The following KCNQ5 variants were observed in gnomAD, a reference collection of about 807,000 sequenced individuals.
KCNQ5 encodes the protein potassium voltage-gated channel subfamily Q member 5.
KCNQ5 carries 30 observed loss-of-function variants against 98.2 expected under a neutral mutation model. The observed-to-expected ratio is 0.31, with a 90% CI of 0.23 to 0.41. The LOEUF is 0.41. KCNQ5 is among the 10% of genes least tolerant of loss of function. The pLI is 1.00. For synonymous variants in KCNQ5, 458 were observed against 449.4 expected, an observed-to-expected ratio of 1.02 and a Z score of -0.24; for missense variants, 835 against 1,182.5, an observed-to-expected ratio of 0.71 and a Z score of 4.31.
chr6:72,725,451 A>T (rs1770216012), intron 1 of KCNQ5, among the ~76,000 whole-genome samples: 1 of 152,166 alleles, frequency 6.6e-6, no homozygotes, highest in African/African-American at 2.4e-5. Context: ...GAATTTCTAT[A>T]AGAATTATTT....
chr6:72,666,100 A>G (rs1156401386), intron 1 of KCNQ5, among the ~76,000 whole-genome samples: 4 of 152,216 alleles, frequency 2.6e-5, no homozygotes, highest in African/African-American at 9.6e-5. Flanking sequence ...GCTTCTCCGT[A>G]TAATTGCACT....
chr6:73,009,359 G>A (rs1236881238), intron 2 of KCNQ5, among the ~76,000 whole-genome samples: 2 of 151,818 alleles, frequency 1.3e-5, no homozygotes, highest in South Asian at 2.1e-4. Flanking sequence ...AAAACAAAAC[G>A]CAACCTGCCA....
At chr6:72,809,756 A>T (rs948177945) in intron 1 of KCNQ5, among the ~76,000 whole-genome samples, 1 of 152,204 alleles carries the variant, frequency 6.6e-6, no homozygotes, top group African/African-American at 2.4e-5. Context: ...GTCATTCTGG[A>T]TAACAAAGAT....
intron 13 of KCNQ5, among the ~76,000 whole-genome samples, chr6:73,193,786 T>G (rs1765686214): frequency 1.3e-5 from 2 of 151,918 alleles, no homozygotes; most frequent in Non-Finnish European, 2.9e-5. Context: ...AGTTTCAGAA[T>G]GTCTTCATAG....
intron 1 of KCNQ5, among the ~76,000 whole-genome samples, chr6:72,759,779 A>T (rs181406847): frequency 2.0e-5 from 3 of 152,224 alleles, no homozygotes; most frequent in Non-Finnish European, 4.4e-5. Flanking sequence ...TAAACTTTAA[A>T]TATTTTCTAG....
In KCNQ5 at chr6:72,721,076, T is replaced by C. The variant is rs75099009; in HGVS notation, c.398+98489T>C. 3.2e-3 allele frequency among the ~76,000 whole-genome samples: 489 copies of C among 152,264 alleles called. 4 individuals carry two copies. The highest frequency in any genetic ancestry group is 0.011 in the African/African-American group (473 of 41,522). On this transcript the variant is annotated intron_variant, in intron 1 of 13. Transcript: ENST00000370398. ...CCTACCTATGTGATAATGGAAAAGCTATTTTCCATTATTTCCATATTTTAT... is the reference window on the plus strand; with the variant it reads ...CCTACCTATGTGATAATGGAAAAGCCATTTTCCATTATTTCCATATTTTAT...
chr6:73,081,127 T>G (rs1349430881), intron 5 of KCNQ5, among the ~76,000 whole-genome samples: 1 of 152,186 alleles, frequency 6.6e-6, no homozygotes, highest in East Asian at 1.9e-4. Context: ...AAAAGAGCTA[T>G]GTGTTTTGAT....
In KCNQ5 at chr6:72,655,333, G is replaced by A. The variant is rs75660744; in HGVS notation, c.398+32746G>A. ...TTCCCATTTTTTAGCACTATGTTAG[G>A]TGCTACAGACCACAAGCTCACAGTC... On this transcript the variant is annotated intron_variant, in intron 1 of 13. Transcript: ENST00000370398. Among the ~76,000 whole-genome samples, 316 of 152,024 alleles carry A rather than the reference G, an allele frequency of 2.1e-3. 4 individuals are homozygous for A. Among genetic ancestry groups the A allele is most frequent in the East Asian group, 0.021 (106 of 5,148 alleles).
chr6:72,654,263 T>A (rs773489061), intron 1 of KCNQ5, among the ~76,000 whole-genome samples: 6 of 151,832 alleles, frequency 4.0e-5, no homozygotes, highest in Non-Finnish European at 8.8e-5. Flanking sequence ...TGATACTAAG[T>A]TGTGTTTGGG....
At chr6:72,748,399 A>C (rs1196892416) in intron 1 of KCNQ5, among the ~76,000 whole-genome samples, 1 of 152,132 alleles carries the variant, frequency 6.6e-6, no homozygotes, top group East Asian at 1.9e-4. Context: ...ATTACTTCAC[A>C]GCCTGTTATG....
chr6:72,812,546 T>C (rs181949280), intron 1 of KCNQ5, among the ~76,000 whole-genome samples: 2 of 152,346 alleles, frequency 1.3e-5, no homozygotes, highest in Admixed American at 6.5e-5. Context: ...ACTGCTAAAA[T>C]TGTGTACACA....
chr6:72,635,895 T>C (rs1283049546), intron 1 of KCNQ5, among the ~76,000 whole-genome samples: 1 of 151,996 alleles, frequency 6.6e-6, no homozygotes, highest in Non-Finnish European at 1.5e-5. Flanking sequence ...TAGAGACTTC[T>C]AGAAAATGTG....
intron 1 of KCNQ5, among the ~76,000 whole-genome samples, chr6:72,803,920 G>T (rs1774807662): frequency 6.6e-6 from 1 of 152,040 alleles, no homozygotes; most frequent in Non-Finnish European, 1.5e-5. Flanking sequence ...CATTTCAGGA[G>T]ATAAAATAAA....
chr6:73,078,151 T>G (rs1465311037), intron 5 of KCNQ5, among the ~76,000 whole-genome samples: 3 of 151,184 alleles, frequency 2.0e-5, no homozygotes, highest in Non-Finnish European at 1.5e-5. Flanking sequence ...TAAATATATA[T>G]CATTTTTAAA....
intron 1 of KCNQ5, among the ~76,000 whole-genome samples, chr6:72,732,582 A>C (rs1489338801): frequency 2.0e-5 from 3 of 152,214 alleles, no homozygotes; most frequent in African/African-American, 7.2e-5. Flanking sequence ...GTGGAGAGGA[A>C]GCCACTGGGA....
At chr6:72,632,924 C>G (rs191584179) in intron 1 of KCNQ5, among the ~76,000 whole-genome samples, 1 of 152,074 alleles carries the variant, frequency 6.6e-6, no homozygotes, top group East Asian at 1.9e-4. Flanking sequence ...GTATGATGAT[C>G]TATTTCCTTT....
intron 1 of KCNQ5, among the ~76,000 whole-genome samples, chr6:72,895,768 TAA>T (rs1242959630): frequency 6.6e-6 from 1 of 151,374 alleles, no homozygotes; most frequent in Non-Finnish European, 1.5e-5. Flanking sequence ...TTATGTATAT[TAA>T]AAGTGTTAGT....
chr6:73,160,021 G>GT (rs1327434954), intron 10 of KCNQ5, among the ~76,000 whole-genome samples: 154 of 148,270 alleles, frequency 1.0e-3, no homozygotes, highest in African/African-American at 3.7e-3. Context: ...TTGTTTGTTT[G>GT]TTTGTTTTTT....
intron 1 of KCNQ5, among the ~76,000 whole-genome samples, chr6:72,783,802 G>GTAGTCTGGGCATCTTTTCAACT (rs1363871550): frequency 1.3e-5 from 2 of 152,312 alleles, no homozygotes; most frequent in Admixed American, 1.3e-4. Flanking sequence ...TCTCTGTGCT[G>GTAGTCTGGGCATCTTTTCAACT]TAGTCTGGGC....
Sources: allele counts gnomAD v4.1 joint callset (sites outside exome capture counted in the v4.1 genomes callset), GRCh38; gene constraint gnomAD v4.1.1; transcripts MANE v1.5; gene names NCBI Gene and HGNC (gene_info 2026-07-23, HGNC 2026-07-21).